CPNE4: variants seen among roughly 807,000 people sequenced by gnomAD.
The protein encoded by CPNE4 is copine 4.
In CPNE4, 25 loss-of-function variants were observed where a neutral mutation model predicts 67.9. The ratio of observed to expected loss-of-function variants is 0.37; its 90% confidence interval spans 0.27 to 0.51. The LOEUF is 0.51. Among genes scored for constraint, CPNE4 ranks in the 20% least tolerant of loss-of-function variants. The probability of loss-of-function intolerance (pLI) is 0.93; values close to 1 mark genes in which losing one functional copy is unlikely to be tolerated. For synonymous variants in CPNE4, 242 were observed against 244.9 expected (o/e 0.99, Z 0.11); for missense variants, 464 against 690.8 (o/e 0.67, Z 3.68).
chr3:131,855,799 C>A (rs959929148), intron 2 of CPNE4, among the ~76,000 whole-genome samples: 1 of 151,946 alleles, frequency 6.6e-6, no homozygotes, highest in African/African-American at 2.4e-5. Flanking sequence ...CCAGACATTG[C>A]TCAGCTAAAT....
intron 2 of CPNE4, among the ~76,000 whole-genome samples, chr3:131,792,623 A>ATATATACACGTGTG (rs2083762576): frequency 1.3e-5 from 1 of 76,046 alleles, no homozygotes; most frequent in African/African-American, 4.9e-5. Context: ...ATATATGTAT[A>ATATATACACGTGTG]TATATATACA....
intron 2 of CPNE4, among the ~76,000 whole-genome samples, chr3:131,814,101 C>CAAAA (rs2084639313): frequency 6.6e-6 from 1 of 152,016 alleles, no homozygotes; most frequent in Non-Finnish European, 1.5e-5. Context: ...AACATAGGCA[C>CAAAA]CTATATACAT....
At chr3:131,874,419 C>CACCT (rs2087353412) in intron 2 of CPNE4, among the ~76,000 whole-genome samples, 1 of 152,112 alleles carries the variant, frequency 6.6e-6, no homozygotes, top group Non-Finnish European at 1.5e-5. Context: ...ATTTAGTGAG[C>CACCT]ACCTACCACA....
chr3:131,953,821 T>C (rs2071853224), intron 1 of CPNE4, among the ~76,000 whole-genome samples: 1 of 152,206 alleles, frequency 6.6e-6, no homozygotes, highest in African/African-American at 2.4e-5. Context: ...AGTTCTTACG[T>C]TTGATAGAAA....
rs762249563 is a variant in CPNE4, at chr3:131,669,685, C to A, written c.671G>T (p.Arg224Leu). Residue 224 changes from arginine to leucine, a missense_variant, in exon 7 of 16, where the codon CGC (arginine) becomes CTC (leucine). Physicochemically the swap from Arg to Leu is moderately radical, Grantham distance 102. Coordinates refer to ENST00000429747, the MANE Select transcript of CPNE4 (RefSeq NM_130808.3). ...ACACAGATTTCTGACCTTTAGCCGG[C>A]GGTCTGGGTCTCCGCTGCATAGAGA... ...VNSLCSGDPDRRLKCIVWDWD... is the reference protein window; with the variant it reads ...VNSLCSGDPDLRLKCIVWDWD... The A allele has an allele frequency of 1.2e-6, 2 of 1,610,064 alleles. No homozygotes were observed. The highest frequency in any genetic ancestry group is 1.7e-6 in the Non-Finnish European group (2 of 1,177,882).
chr3:131,617,855 C>T (rs1273115246), intron 7 of CPNE4, among the ~76,000 whole-genome samples: 1 of 152,130 alleles, frequency 6.6e-6, no homozygotes, highest in Non-Finnish European at 1.5e-5. Context: ...GTCACTGTGA[C>T]CATTTTCTTC....
chr3:131,777,974 C>T (rs751642688), intron 2 of CPNE4, among the ~76,000 whole-genome samples: 1 of 152,066 alleles, frequency 6.6e-6, no homozygotes, highest in Non-Finnish European at 1.5e-5. Context: ...ATGATTCTGA[C>T]CCAGTTGTCA....
At chr3:131,944,054 G>A (rs1341012483) in intron 1 of CPNE4, among the ~76,000 whole-genome samples, 1 of 152,018 alleles carries the variant, frequency 6.6e-6, no homozygotes, top group Non-Finnish European at 1.5e-5. Context: ...GTCCCTCTTT[G>A]AAGACAAGAA....
At chr3:131,544,190 G>T (rs1935682937) in intron 14 of CPNE4, among the ~76,000 whole-genome samples, 1 of 152,198 alleles carries the variant, frequency 6.6e-6, no homozygotes, top group African/African-American at 2.4e-5. Context: ...AACATTTATA[G>T]GTAGTAAGAG....
At chr3:131,599,928 C>A (rs1054079513) in intron 7 of CPNE4, among the ~76,000 whole-genome samples, 2 of 152,152 alleles carry the variant, frequency 1.3e-5, no homozygotes, top group Non-Finnish European at 2.9e-5. Context: ...TTTCCCCAAA[C>A]AGCAAGGAAT....
chr3:131,886,147 G>C (rs2087880524), intron 2 of CPNE4, among the ~76,000 whole-genome samples: 1 of 152,202 alleles, frequency 6.6e-6, no homozygotes, highest in Non-Finnish European at 1.5e-5. Flanking sequence ...GCTGGGCCCA[G>C]GGTCCCCAAG....
At chr3:131,814,855 C>T (rs1172081586) in intron 2 of CPNE4, among the ~76,000 whole-genome samples, 2 of 151,284 alleles carry the variant, frequency 1.3e-5, no homozygotes, top group East Asian at 3.9e-4. Context: ...CCGCCCGCCT[C>T]GGCCTCCCAA....
chr3:131,647,863 C>T (rs945787844), intron 7 of CPNE4, among the ~76,000 whole-genome samples: 1 of 152,242 alleles, frequency 6.6e-6, no homozygotes, highest in Non-Finnish European at 1.5e-5. Context: ...CCAAATGACT[C>T]CTTTGCTCTT....
At chr3:131,858,252 T>C (rs1032555954) in intron 2 of CPNE4, among the ~76,000 whole-genome samples, 3 of 152,112 alleles carry the variant, frequency 2.0e-5, no homozygotes, top group Admixed American at 6.6e-5. Flanking sequence ...TCCAGCTTCA[T>C]ACTTTCCTGC....
chr3:131,803,729 T>C (rs1305838351), intron 2 of CPNE4, among the ~76,000 whole-genome samples: 1 of 152,200 alleles, frequency 6.6e-6, no homozygotes, highest in African/African-American at 2.4e-5. Flanking sequence ...GAAATGTTTA[T>C]TGCAGCACTA....
chr3:131,727,946 A>C (rs758082308), intron 2 of CPNE4, among the ~76,000 whole-genome samples: 7 of 152,226 alleles, frequency 4.6e-5, no homozygotes, highest in Non-Finnish European at 1.0e-4. Flanking sequence ...TATTGCCCCC[A>C]GTCAATTACA....
intron 2 of CPNE4, among the ~76,000 whole-genome samples, chr3:131,849,402 G>A (rs560108423): frequency 2.0e-5 from 3 of 152,140 alleles, no homozygotes; most frequent in African/African-American, 7.2e-5. Flanking sequence ...GATGGAAGGG[G>A]AGGGAAACAG....
intron 1 of CPNE4, among the ~76,000 whole-genome samples, chr3:131,922,936 G>T (rs1005188523): frequency 6.6e-6 from 1 of 152,146 alleles, no homozygotes; most frequent in African/African-American, 2.4e-5. Context: ...AAAGAACTAT[G>T]ATTTAAAGAT....
intron 1 of CPNE4, among the ~76,000 whole-genome samples, chr3:131,935,257 AG>A (rs1174371991): frequency 1.3e-5 from 2 of 152,078 alleles, no homozygotes. Flanking sequence ...CTTGCAAGAG[AG>A]AGATTAAGTG....
Sources: allele counts gnomAD v4.1 joint callset (sites outside exome capture counted in the v4.1 genomes callset), GRCh38; gene constraint gnomAD v4.1.1; transcripts MANE v1.5; gene names NCBI Gene and HGNC (gene_info 2026-07-23, HGNC 2026-07-21).